SYT6: variants seen among roughly 807,000 people sequenced by gnomAD.
The protein encoded by SYT6 is synaptotagmin-6.
Under a neutral mutation model 38.4 loss-of-function variants are expected in SYT6, and 24 were observed. The ratio of observed to expected loss-of-function variants is 0.62; its 90% CI spans 0.45 to 0.88. The LOEUF is 0.88. SYT6 is among the 40% of genes least tolerant of loss of function. The probability of loss-of-function intolerance (pLI) is 0.00; values close to 1 mark genes in which losing one functional copy is unlikely to be tolerated. For missense variants in SYT6, 611 were observed against 621.0 expected (o/e 0.98, Z 0.17); for synonymous variants, 265 against 241.9 (o/e 1.10, Z -0.89).
intron 3 of SYT6, among the ~76,000 whole-genome samples, chr1:114,135,105 T>C (rs1678396708): frequency 3.9e-5 from 6 of 151,970 alleles, no homozygotes; most frequent in Admixed American, 3.9e-4. Context: ...AGAAGGAACA[T>C]CCAGCTCAGA....
chr1:114,104,141 T>C (rs750906), intron 3 of SYT6, among the ~76,000 whole-genome samples: 64,841 of 152,060 alleles, frequency 0.43, 14,083 homozygotes, highest in African/African-American at 0.46. Flanking sequence ...GTCATGACAG[T>C]GTCCTGGACA....
At chr1:114,148,199 C>G (rs983441454) in intron 1 of SYT6, among the ~76,000 whole-genome samples, 5 of 152,318 alleles carry the variant, frequency 3.3e-5, no homozygotes, top group African/African-American at 9.6e-5. Context: ...TCTCCAAAGA[C>G]AGCCCTAGTG....
intron 3 of SYT6, among the ~76,000 whole-genome samples, chr1:114,108,895 C>T (rs1482083198): frequency 6.6e-6 from 1 of 152,172 alleles, no homozygotes; most frequent in Non-Finnish European, 1.5e-5. Context: ...CTGAATCTCT[C>T]ATCATCAGCA....
Position 114,091,756 on chromosome 1 carries a change from T to TC in SYT6, c.*377dup, listed in dbSNP as rs1553178167. 41 of 347,062 alleles carry TC rather than the reference T, an allele frequency of 1.2e-4. No homozygotes were observed. The highest frequency in any genetic ancestry group is 4.9e-4 in the African/African-American group (23 of 46,766). 21.5% of individuals were successfully genotyped at this position (347,062 alleles called of 1,614,324 possible). On this transcript the variant is annotated 3_prime_UTR_variant, in exon 8 of 8. Transcript: ENST00000610222. Reference sequence around the variant, plus strand: ...TGTCTTTTCCTACTCTTTTTTTTTTTCCCTTTTCTTACCAGCAGACCCATA... The same window carrying TC: ...TGTCTTTTCCTACTCTTTTTTTTTTTCCCCTTTTCTTACCAGCAGACCCATA...
At chr1:114,122,506 T>TGTGTGTGTGCGCGCGC (rs60780339) in intron 3 of SYT6, among the ~76,000 whole-genome samples, 130 of 147,406 alleles carry the variant, frequency 8.8e-4, no homozygotes, top group East Asian at 2.3e-3. Flanking sequence ...TGTGTGTGTG[T>TGTGTGTGTGCGCGCGC]GCGCGCACAT....
intron 4 of SYT6, among the ~76,000 whole-genome samples, chr1:114,100,846 A>T (rs1675927618): frequency 1.3e-5 from 2 of 152,128 alleles, no homozygotes; most frequent in African/African-American, 4.8e-5. Flanking sequence ...ATCCATAAGG[A>T]TGTACCTTTT....
chr1:114,125,271 A>G (rs1440436966), intron 3 of SYT6, among the ~76,000 whole-genome samples: 1 of 152,226 alleles, frequency 6.6e-6, no homozygotes, highest in Non-Finnish European at 1.5e-5. Flanking sequence ...TTTTCAGGCC[A>G]TCAAGATGGA....
chr1:114,093,348 C>A (rs1675433339), intron 7 of SYT6, among the ~76,000 whole-genome samples: 1 of 152,200 alleles, frequency 6.6e-6, no homozygotes, highest in South Asian at 2.1e-4. Context: ...CTTCTCTGGG[C>A]TCGGTTCTTC....
intron 3 of SYT6, among the ~76,000 whole-genome samples, chr1:114,104,385 T>G (rs1676153988): frequency 6.6e-6 from 1 of 152,226 alleles, no homozygotes; most frequent in Non-Finnish European, 1.5e-5. Context: ...CACGCTCTGC[T>G]GCCTCTCCTA....
chr1:114,113,953 C>G (rs549121376), intron 3 of SYT6, among the ~76,000 whole-genome samples: 346 of 152,340 alleles, frequency 2.3e-3, no homozygotes, highest in African/African-American at 8.1e-3. Context: ...TCAGCCTCCC[C>G]CCGTGCCAGG....
At chr1:114,131,699 T>G (rs570695409) in intron 3 of SYT6, among the ~76,000 whole-genome samples, 30 of 152,288 alleles carry the variant, frequency 2.0e-4, no homozygotes, top group African/African-American at 7.2e-4. Context: ...ATTCAACAAG[T>G]GCCCAATGAT....
At chr1:114,141,480 A>C (rs1258834467) in intron 1 of SYT6, among the ~76,000 whole-genome samples, 1 of 152,240 alleles carries the variant, frequency 6.6e-6, no homozygotes, top group African/African-American at 2.4e-5. Context: ...AAACGTTTGA[A>C]TCTAGCAGAG....
chr1:114,094,221 G>C lies in SYT6; in HGVS notation c.1516-418C>G, dbSNP rs114492266. On this transcript the variant is annotated intron_variant, in intron 6 of 7. Transcript: ENST00000610222. ...TAAACAAAGGGAGGAGATGGGGTTTGTGGACAATGGAAAGGCGAATGATTC... is the reference window on the plus strand; with the variant it reads ...TAAACAAAGGGAGGAGATGGGGTTTCTGGACAATGGAAAGGCGAATGATTC... Among the ~76,000 whole-genome samples, 836 of 152,332 alleles carry C rather than the reference G, an allele frequency of 5.5e-3. 10 individuals are homozygous for C. Among genetic ancestry groups the C allele is most frequent in the African/African-American group, 0.019 (805 of 41,570 alleles).
At chr1:114,151,717 G>C (rs572855185) in intron 1 of SYT6, among the ~76,000 whole-genome samples, 1 of 152,166 alleles carries the variant, frequency 6.6e-6, no homozygotes, top group Non-Finnish European at 1.5e-5. Flanking sequence ...TGGAAAAGAC[G>C]GAAGGGAGCT....
chr1:114,153,232 C>T (rs1475299597), intron 1 of SYT6, among the ~76,000 whole-genome samples: 1 of 152,232 alleles, frequency 6.6e-6, no homozygotes, highest in African/African-American at 2.4e-5. Context: ...ATTCCTCAGC[C>T]GGGCGCCCCT....
intron 1 of SYT6, among the ~76,000 whole-genome samples, chr1:114,148,521 G>A (rs949145133): frequency 6.6e-6 from 1 of 152,182 alleles, no homozygotes; most frequent in Admixed American, 6.5e-5. Context: ...AGGAGCTCTC[G>A]TGCAGACACA....
At chr1:114,145,502 GTT>G (rs752982644) in intron 1 of SYT6, among the ~76,000 whole-genome samples, 3,064 of 111,552 alleles carry the variant, frequency 0.027, 70 homozygotes, top group African/African-American at 0.076. Flanking sequence ...GAGGTATTAA[GTT>G]TTTTTTTTTT....
At position 114,132,545 on chromosome 1, in the gene SYT6, T is replaced by G. The variant is rs779420544; in HGVS notation, c.1071+4950A>C. 1.2e-3 allele frequency among the ~76,000 whole-genome samples: 182 copies of G among 152,196 alleles called. 1 individual carries two copies. The highest frequency in any genetic ancestry group is 5.6e-4 in the Non-Finnish European group (38 of 68,030). ...AGAATTACAGGATTCTAGAGATGGT[T>G]TAATACTGAGGAAAATGCAGCCCAG... On this transcript the variant is annotated intron_variant, in intron 3 of 7. Coordinates refer to ENST00000610222, the MANE Select transcript of SYT6 (RefSeq NM_001253772.2).
chr1:114,118,603 C>T (rs661871), intron 3 of SYT6, among the ~76,000 whole-genome samples: 71,599 of 152,084 alleles, frequency 0.47, 17,467 homozygotes, highest in African/African-American at 0.59. Flanking sequence ...GGCCCTCCGG[C>T]GGGGTGTCCC....
Sources: allele counts gnomAD v4.1 joint callset (sites outside exome capture counted in the v4.1 genomes callset), GRCh38; gene constraint gnomAD v4.1.1; transcripts MANE v1.5; gene names NCBI Gene and HGNC (gene_info 2026-07-23, HGNC 2026-07-21).